CCDC178: variants seen among roughly 807,000 people sequenced by gnomAD.
CCDC178 encodes coiled-coil domain containing 178.
Under a neutral mutation model 117.4 loss-of-function variants are expected in CCDC178, and 126 were observed. That is an observed-to-expected ratio of 1.07 (90% CI 0.93 to 1.24). CCDC178 has a LOEUF of 1.24. CCDC178 is among the 50% of genes most tolerant of loss of function. The pLI is 0.00. For missense variants in CCDC178, 1,030 were observed against 986.9 expected (o/e 1.04, Z -0.59); for synonymous variants, 283 against 313.4 (o/e 0.90, Z 1.02).
At chr18:33,132,435 T>C (rs2058077139) in intron 20 of CCDC178, among the ~76,000 whole-genome samples, 1 of 151,776 alleles carries the variant, frequency 6.6e-6, no homozygotes, top group South Asian at 2.1e-4. Flanking sequence ...ACGTTGTTTT[T>C]TCTTTTGGTT....
At chr18:33,031,556 G>A (rs899782093) in intron 21 of CCDC178, among the ~76,000 whole-genome samples, 5 of 151,920 alleles carry the variant, frequency 3.3e-5, no homozygotes, top group South Asian at 2.1e-4. Flanking sequence ...ACAGAAAAAC[G>A]CACAAGTATA....
intron 8 of CCDC178, among the ~76,000 whole-genome samples, chr18:33,347,935 A>C (rs2062919236): frequency 6.6e-6 from 1 of 151,942 alleles, no homozygotes; most frequent in Non-Finnish European, 1.5e-5. Context: ...ATTTTTTAGC[A>C]TAAGGCCTTG....
chr18:33,331,026 CTTTTTTTTTTTTTT>C (rs67153629), intron 10 of CCDC178, among the ~76,000 whole-genome samples: 7 of 45,056 alleles, frequency 1.6e-4, no homozygotes, highest in African/African-American at 7.6e-4. Context: ...ACAAACATTG[CTTTTTTTTTTTTTT>C]TTTTTTTTTT....
chr18:33,340,675 T>C (rs979207850), intron 9 of CCDC178, among the ~76,000 whole-genome samples: 1 of 152,104 alleles, frequency 6.6e-6, no homozygotes, highest in South Asian at 2.1e-4. Flanking sequence ...GAGGCCAACA[T>C]AGAGCTCGGG....
At chr18:32,988,831 A>T (rs907222938) in intron 21 of CCDC178, among the ~76,000 whole-genome samples, 2 of 152,110 alleles carry the variant, frequency 1.3e-5, no homozygotes, top group Non-Finnish European at 2.9e-5. Context: ...AATTGTTAAG[A>T]TAATACTATG....
intron 20 of CCDC178, among the ~76,000 whole-genome samples, chr18:33,096,519 G>C (rs2057546818): frequency 6.6e-6 from 1 of 151,666 alleles, no homozygotes; most frequent in Admixed American, 6.6e-5. Context: ...TAACAACTGA[G>C]ACTTACACAG....
chr18:33,062,919 G>A (rs1277425252), intron 21 of CCDC178, among the ~76,000 whole-genome samples: 1 of 151,390 alleles, frequency 6.6e-6, no homozygotes, highest in Non-Finnish European at 1.5e-5. Context: ...GTGTCTTATA[G>A]CCTAGGGAGC....
chr18:32,950,554 A>G (rs1160112399), intron 22 of CCDC178, among the ~76,000 whole-genome samples: 1 of 152,172 alleles, frequency 6.6e-6, no homozygotes, highest in East Asian at 1.9e-4. Context: ...TACTTTCAGT[A>G]GTACTTTTAA....
chr18:33,219,372 TC>T (rs1440607692), intron 18 of CCDC178, among the ~76,000 whole-genome samples: 2 of 152,104 alleles, frequency 1.3e-5, no homozygotes, highest in South Asian at 4.1e-4. Flanking sequence ...GTGTGGCAAT[TC>T]CTCAAGGATC....
At chr18:33,222,948 C>CTG (rs1357616378) in intron 18 of CCDC178, among the ~76,000 whole-genome samples, 158 bp downstream of exon 18, 4 of 151,700 alleles carry the variant, frequency 2.6e-5, no homozygotes, top group Non-Finnish European at 4.4e-5. Context: ...AACACAAGGA[C>CTG]TGTGTGTGTG....
Position 33,025,620 on chromosome 18 carries a change from T to C in CCDC178, c.2389-50939A>G, listed in dbSNP as rs182100386. On this transcript the variant is annotated intron_variant, in intron 21 of 22. Coordinates refer to ENST00000383096, the MANE Select transcript of CCDC178 (RefSeq NM_001105528.4). ...TATTTTACCAAAGAGGATATACGTA[T>C]GACAAATAAGCACATGAAGAGATGC... Among the ~76,000 whole-genome samples the C allele has an allele frequency of 5.9e-5, 9 of 152,206 alleles. No individual in the cohort carries two copies. The East Asian group carries it at 1.5e-3, about 26-fold the overall frequency.
At chr18:33,194,703 T>C (rs2058904140) in intron 20 of CCDC178, among the ~76,000 whole-genome samples, 1 of 152,118 alleles carries the variant, frequency 6.6e-6, no homozygotes, top group Non-Finnish European at 1.5e-5. Flanking sequence ...GTTGATATGA[T>C]GATGATCTTC....
At chr18:33,038,045 T>C (rs1162381155) in intron 21 of CCDC178, among the ~76,000 whole-genome samples, 1 of 151,920 alleles carries the variant, frequency 6.6e-6, no homozygotes, top group East Asian at 1.9e-4. Flanking sequence ...ATTAGATTGA[T>C]CAGAAAAACA....
At chr18:33,348,467 T>C (rs1192970578) in intron 8 of CCDC178, among the ~76,000 whole-genome samples, 1 of 151,982 alleles carries the variant, frequency 6.6e-6, no homozygotes. Context: ...CATTTACATT[T>C]ATATGCAACT....
In CCDC178 at chr18:33,049,039, G is replaced by A. The variant is rs545892852; in HGVS notation, c.2388+43722C>T. Reference sequence around the variant, plus strand: ...ACACTGGGTTCTAATCAACTGATAAGCAAATGATTAAGTATACCTTACCAC... The same window carrying A: ...ACACTGGGTTCTAATCAACTGATAAACAAATGATTAAGTATACCTTACCAC... On this transcript the variant is annotated intron_variant, in intron 21 of 22. Transcript: ENST00000383096. Among the ~76,000 whole-genome samples the A allele has an allele frequency of 7.2e-5, 11 of 152,098 alleles. No homozygotes were observed. In the South Asian group the frequency reaches 1.9e-3, roughly 26 times the overall value.
At chr18:33,185,538 TTAAA>T (rs2058780999) in intron 20 of CCDC178, among the ~76,000 whole-genome samples, 2 of 151,916 alleles carry the variant, frequency 1.3e-5, no homozygotes, top group African/African-American at 4.8e-5. Flanking sequence ...TGCAGAGAAA[TTAAA>T]TAACCTCCTT....
chr18:33,235,867 C>T (rs983677000), intron 15 of CCDC178, among the ~76,000 whole-genome samples: 3 of 152,154 alleles, frequency 2.0e-5, no homozygotes, highest in Non-Finnish European at 4.4e-5. Context: ...TTGACTTATT[C>T]CCTATCCCAA....
chr18:32,991,710 T>G (rs540537699), intron 21 of CCDC178, among the ~76,000 whole-genome samples: 1 of 152,326 alleles, frequency 6.6e-6, no homozygotes, highest in South Asian at 2.1e-4. Context: ...TTCAGGCTTA[T>G]GCAGAGGTGT....
chr18:33,042,187 C>T (rs571752733), intron 21 of CCDC178, among the ~76,000 whole-genome samples: 153 of 151,774 alleles, frequency 1.0e-3, no homozygotes, highest in Non-Finnish European at 1.8e-3. Context: ...GAAGATATAC[C>T]TTAATAATGG....
Sources: allele counts gnomAD v4.1 joint callset (sites outside exome capture counted in the v4.1 genomes callset), GRCh38; gene constraint gnomAD v4.1.1; transcripts MANE v1.5; gene names NCBI Gene and HGNC (gene_info 2026-07-23, HGNC 2026-07-21).